The following PRSS55 variants were observed in gnomAD, a reference collection of about 807,000 sequenced individuals.
The protein encoded by PRSS55 is serine protease 55, also known as probable serine protease UNQ9391/PRO34284.
Under a neutral mutation model 23.6 loss-of-function variants are expected in PRSS55, and 41 were observed. The ratio of observed to expected loss-of-function variants is 1.74; its 90% CI spans 1.35 to 2.26. PRSS55 has a LOEUF of 2.26. Ranked by LOEUF, PRSS55 falls within the 30% of genes most tolerant of loss-of-function variation. The pLI, the probability that PRSS55 is intolerant of heterozygous loss-of-function variation, is 0.00. For missense variants in PRSS55, 669 were observed against 439.1 expected (o/e 1.52, Z -4.68); for synonymous variants, 262 against 175.5 (o/e 1.49, Z -3.90).
At chr8:10,534,560 C>CA (rs35549100) in intron 4 of PRSS55, among the ~76,000 whole-genome samples, 46,591 of 151,864 alleles carry the variant, frequency 0.31, 7,451 homozygotes, top group African/African-American at 0.4. Context: ...TTAGGTTACA[C>CA]ATACCTCAAA....
intron 4 of PRSS55, among the ~76,000 whole-genome samples, chr8:10,549,727 T>C (rs1376955689): frequency 2.0e-5 from 3 of 152,128 alleles, no homozygotes; most frequent in Non-Finnish European, 2.9e-5. Context: ...CCCCCTGACT[T>C]TGGAGAAAGA....
intron 1 of PRSS55, among the ~76,000 whole-genome samples, chr8:10,527,255 C>A (rs1433720325): frequency 6.6e-6 from 1 of 152,150 alleles, no homozygotes; most frequent in East Asian, 1.9e-4. Flanking sequence ...CTTTAGTCAC[C>A]CCTAGCGTTT....
chr8:10,538,234 T>TC (rs1812523456), intron 4 of PRSS55, among the ~76,000 whole-genome samples: 1 of 151,988 alleles, frequency 6.6e-6, no homozygotes, highest in African/African-American at 2.4e-5. Flanking sequence ...TACCAAGGCT[T>TC]CCCCCTTCCT....
intron 4 of PRSS55, among the ~76,000 whole-genome samples, chr8:10,544,376 TTTC>T (rs752201679): frequency 2.6e-5 from 4 of 151,132 alleles, no homozygotes; most frequent in Non-Finnish European, 4.4e-5. Flanking sequence ...AGTTTATCTG[TTTC>T]TTTTTATTTT....
In PRSS55 at chr8:10,538,670, G is replaced by A. The variant is rs78604829; in HGVS notation, c.936G>A (p.Arg312=). 7.1e-4 allele frequency: 1,147 copies of A among 1,614,184 alleles called. 12 individuals carry two copies. The African/African-American group carries it at 0.014, about 20-fold the overall frequency. ...GGCCCTTCAATGCAGAGAAAAGGAG[G>A]ACTTCTGTCAAACAGAAACCTATGG... The part of the protein sequence containing the change: ...EGRPFNAEKR[R]TSVKQKPMGS... The change falls in exon 5 of 5, where the codon AGG becomes AGA. Residue 312 remains arginine (R), a synonymous_variant. Coordinates refer to ENST00000328655, the MANE Select transcript of PRSS55 (RefSeq NM_198464.4).
downstream of PRSS55, among the ~76,000 whole-genome samples, chr8:10,542,999 C>G (rs1407986047): frequency 6.6e-6 from 1 of 151,972 alleles, no homozygotes; most frequent in Non-Finnish European, 1.5e-5. Context: ...TTGGGGGAAC[C>G]CTCTTCCTTA....
intron 2 of PRSS55, 83 bp downstream of exon 2, chr8:10,529,782 G>T (rs1026400025): frequency 1.5e-6 from 2 of 1,363,382 alleles, no homozygotes; most frequent in Admixed American, 3.7e-5. Context: ...CCTGGTGGCT[G>T]AGAGGAACCT....
At chr8:10,540,899 A>C (rs550040336), downstream of PRSS55, 2 of 152,190 alleles carry the variant, frequency 1.3e-5, no homozygotes, top group African/African-American at 4.8e-5. Context: ...TCAGGACATC[A>C]CCACTGTCCA....
intron 4 of PRSS55, among the ~76,000 whole-genome samples, chr8:10,545,926 T>A (rs781294396): frequency 2.0e-5 from 3 of 152,216 alleles, no homozygotes; most frequent in African/African-American, 7.2e-5. Flanking sequence ...GCTCTTTGCT[T>A]GCGTGTGTGA....
intron 1 of PRSS55, among the ~76,000 whole-genome samples, chr8:10,527,720 T>C (rs1379198809): frequency 6.6e-6 from 1 of 152,228 alleles, no homozygotes; most frequent in East Asian, 1.9e-4. Context: ...TGACTAGTTG[T>C]GTGACGCTGG....
At chr8:10,550,899 C>G (rs897325117) in intron 4 of PRSS55, among the ~76,000 whole-genome samples, 1 of 152,240 alleles carries the variant, frequency 6.6e-6, no homozygotes, top group Non-Finnish European at 1.5e-5. Flanking sequence ...ATTGCTTGCT[C>G]AGCTATCCTG....
chr8:10,551,768 C>G (rs1168443218), intron 4 of PRSS55, among the ~76,000 whole-genome samples: 1 of 152,186 alleles, frequency 6.6e-6, no homozygotes, highest in Non-Finnish European at 1.5e-5. Flanking sequence ...AGTGGGGGCA[C>G]AAAAAATCGC....
At chr8:10,547,381 G>C (rs1189981953) in intron 4 of PRSS55, 1 of 152,264 alleles carries the variant, frequency 6.6e-6, no homozygotes, top group Non-Finnish European at 1.5e-5. Context: ...CTGGAAGCCT[G>C]CACTGTTTTG....
chr8:10,551,449 T>TGGGGACGGCAGG (rs1400605225), intron 4 of PRSS55, among the ~76,000 whole-genome samples: 1 of 152,128 alleles, frequency 6.6e-6, no homozygotes, highest in African/African-American at 2.4e-5. Flanking sequence ...CGACCTCTGG[T>TGGGGACGGCAGG]GGGGACGGCA....
intron 4 of PRSS55, chr8:10,547,323 C>G (rs1180814816): frequency 2.6e-5 from 4 of 152,418 alleles, no homozygotes; most frequent in African/African-American, 9.6e-5. Context: ...CGCCCCCTCC[C>G]TCCCCGAGAG....
downstream of PRSS55, among the ~76,000 whole-genome samples, chr8:10,539,695 G>T (rs10112326): frequency 4.6e-5 from 7 of 152,152 alleles, no homozygotes; most frequent in East Asian, 1.4e-3. Flanking sequence ...TTCCCTTTTC[G>T]CTTGGCCCTT....
chr8:10,543,399 TTC>T (rs1295278296), downstream of PRSS55, among the ~76,000 whole-genome samples: 1 of 75,200 alleles, frequency 1.3e-5, no homozygotes, highest in South Asian at 6.8e-4. Context: ...AGATTTCTTT[TTC>T]TTTCTTTCTT....
chr8:10,539,358 T>C (rs1812577314), downstream of PRSS55, among the ~76,000 whole-genome samples: 1 of 152,210 alleles, frequency 6.6e-6, no homozygotes. Context: ...AGTTGACATA[T>C]GAGATGAACC....
intron 4 of PRSS55, among the ~76,000 whole-genome samples, chr8:10,546,173 G>C (rs1167243985): frequency 6.6e-6 from 1 of 152,158 alleles, no homozygotes; most frequent in African/African-American, 2.4e-5. Flanking sequence ...TTAGCCCCAA[G>C]AACGTGAGCC....
Sources: gnomAD v4.1 joint callset for allele counts (sites outside exome capture counted in the v4.1 genomes callset) on GRCh38, gnomAD v4.1.1 for gene constraint, MANE v1.5 for transcripts, NCBI Gene and HGNC (gene_info 2026-07-23, HGNC 2026-07-21) for gene names.